The following FCHSD2 variants were observed in gnomAD, a reference collection of about 807,000 sequenced individuals.
FCHSD2 encodes FCH and double SH3 domains 2.
In FCHSD2, 38 loss-of-function variants were observed where a neutral mutation model predicts 108.1. The ratio of observed to expected loss-of-function variants is 0.35; its 90% CI spans 0.27 to 0.46. The LOEUF is 0.46. FCHSD2 is among the 20% of genes least tolerant of loss of function. The pLI, the probability that FCHSD2 is intolerant of heterozygous loss-of-function variation, is 1.00. For synonymous variants in FCHSD2, 279 were observed against 314.7 expected (o/e 0.89, Z 1.20); for missense variants, 751 against 897.8 (o/e 0.84, Z 2.09).
chr11:73,091,318 C>G (rs977578841), intron 2 of FCHSD2, among the ~76,000 whole-genome samples: 1 of 151,952 alleles, frequency 6.6e-6, no homozygotes, highest in African/African-American at 2.4e-5. Context: ...GCGGGCAGAT[C>G]ACTTGAGGTC....
intron 3 of FCHSD2, 51 bp downstream of exon 3, chr11:73,083,644 A>T: frequency 8.7e-7 from 1 of 1,154,768 alleles, no homozygotes. Flanking sequence ...TCTGTCCTTA[A>T]GCCACGGAAA....
At chr11:73,083,810 C>T (rs1318744277) in intron 2 of FCHSD2, 70 bp from the exon 3 acceptor site, 3 of 929,850 alleles carry the variant, frequency 3.2e-6, no homozygotes, top group Non-Finnish European at 3.4e-6. Context: ...TATCAACACA[C>T]CTTCAAATAC....
intron 2 of FCHSD2, among the ~76,000 whole-genome samples, chr11:73,116,092 ACTTT>A (rs1423213408): frequency 1.3e-5 from 2 of 152,202 alleles, no homozygotes; most frequent in African/African-American, 2.4e-5. Context: ...CAGATTGAAG[ACTTT>A]CCTTTCTATT....
intron 8 of FCHSD2, among the ~76,000 whole-genome samples, chr11:72,958,280 G>A (rs995822496): frequency 5.9e-5 from 9 of 152,312 alleles, no homozygotes; most frequent in Admixed American, 2.0e-4. Flanking sequence ...CACTTTGGAA[G>A]GCTGAGGCAG....
intron 3 of FCHSD2, among the ~76,000 whole-genome samples, chr11:73,053,390 T>C (rs1358125679): frequency 6.6e-6 from 1 of 152,150 alleles, no homozygotes; most frequent in East Asian, 1.9e-4. Context: ...TAATGAAAGA[T>C]AGAAAATGAA....
At chr11:73,075,887 C>A (rs904595927) in intron 3 of FCHSD2, among the ~76,000 whole-genome samples, 1 of 151,806 alleles carries the variant, frequency 6.6e-6, no homozygotes, top group Non-Finnish European at 1.5e-5. Flanking sequence ...GGGAGGCCAA[C>A]GCAGTCGGAT....
chr11:73,022,975 C>T (rs1273282377), intron 3 of FCHSD2, among the ~76,000 whole-genome samples: 1 of 152,092 alleles, frequency 6.6e-6, no homozygotes, highest in Non-Finnish European at 1.5e-5. Context: ...GATGCTAGAA[C>T]AATTGAATGA....
intron 9 of FCHSD2, 97 bp downstream of exon 9, chr11:72,921,729 ATT>A: frequency 1.1e-6 from 1 of 940,064 alleles, no homozygotes; most frequent in South Asian, 1.7e-5. Context: ...TCGTTAATGC[ATT>A]CTTCTAATAT....
chr11:73,043,424 T>G lies in FCHSD2; in HGVS notation c.166-27539A>C, dbSNP rs535298276. Among the ~76,000 whole-genome samples the G allele has an allele frequency of 3.3e-5, 5 of 152,336 alleles. No homozygotes were observed. The East Asian group carries it at 9.6e-4, about 29-fold the overall frequency. The stretch of plus-strand genomic sequence containing the variant: ...TAATTTAAATTTTCTATTTGCTTAA[T>G]TGTTCTTTTCCATTTTGGTAAGCAG... On this transcript the variant is annotated intron_variant, in intron 3 of 19. Transcript: ENST00000409418.
At chr11:72,939,426 C>T (rs1856368714) in intron 8 of FCHSD2, among the ~76,000 whole-genome samples, 1 of 151,970 alleles carries the variant, frequency 6.6e-6, no homozygotes, top group Non-Finnish European at 1.5e-5. Flanking sequence ...CTTCCATGTT[C>T]CACAGTTTAA....
intron 14 of FCHSD2, among the ~76,000 whole-genome samples, chr11:72,845,628 T>A (rs1282202310): frequency 6.6e-6 from 1 of 152,134 alleles, no homozygotes; most frequent in Admixed American, 6.6e-5. Context: ...ATCAAGACCC[T>A]GCAGAGTTTG....
intron 1 of FCHSD2, among the ~76,000 whole-genome samples, chr11:73,140,400 A>G (rs1200468380): frequency 1.3e-5 from 2 of 152,208 alleles, no homozygotes; most frequent in Non-Finnish European, 2.9e-5. Flanking sequence ...ATTCCATTTC[A>G]TGCACAAGCT....
In FCHSD2 at chr11:72,842,570, A is replaced by G. The variant is rs913325125; in HGVS notation, c.1926+51T>C. Reference sequence around the variant, plus strand: ...TGTGTGGATCCACAGACCCTTTGGGAGCAATTTTCTTTAAACATCTTTTAA... The same window carrying G: ...TGTGTGGATCCACAGACCCTTTGGGGGCAATTTTCTTTAAACATCTTTTAA... On this transcript the variant is annotated intron_variant, in intron 17 of 19. Transcript: ENST00000409418. The G allele has an allele frequency of 1.9e-6, 3 of 1,608,530 alleles. No homozygotes were observed. The African/African-American group carries it at 4.0e-5, about 22-fold the overall frequency.
At chr11:72,903,362 G>A (rs946066926) in intron 9 of FCHSD2, among the ~76,000 whole-genome samples, 9 of 151,758 alleles carry the variant, frequency 5.9e-5, no homozygotes, top group African/African-American at 2.4e-5. Flanking sequence ...GACTACAGGC[G>A]CCCGCCACTG....
At chr11:73,046,429 T>A (rs1263107649) in intron 3 of FCHSD2, among the ~76,000 whole-genome samples, 1 of 152,172 alleles carries the variant, frequency 6.6e-6, no homozygotes, top group Non-Finnish European at 1.5e-5. Context: ...GAATACCAAT[T>A]TTCATAGAAA....
intron 13 of FCHSD2, among the ~76,000 whole-genome samples, chr11:72,858,056 A>G (rs1226526297): frequency 6.6e-6 from 1 of 152,358 alleles, no homozygotes; most frequent in Non-Finnish European, 1.5e-5. Flanking sequence ...TAAAACCCCT[A>G]ACACATGTTT....
At chr11:72,917,401 G>A (rs907090550) in intron 9 of FCHSD2, among the ~76,000 whole-genome samples, 2 of 152,114 alleles carry the variant, frequency 1.3e-5, no homozygotes, top group Non-Finnish European at 1.5e-5. Context: ...GACCATAGAT[G>A]TTCAGGTTTA....
chr11:72,866,182 G>A (rs1338890363), intron 13 of FCHSD2, among the ~76,000 whole-genome samples: 1 of 152,250 alleles, frequency 6.6e-6, no homozygotes, highest in Non-Finnish European at 1.5e-5. Context: ...ACAGTCTGAA[G>A]TAGATGAGCA....
chr11:72,915,032 C>A (rs1591394736), intron 9 of FCHSD2, among the ~76,000 whole-genome samples: 1 of 119,968 alleles, frequency 8.3e-6, no homozygotes, highest in African/African-American at 3.3e-5. Flanking sequence ...CTATAAGGAA[C>A]TTAAACAAGT....
Sources: allele counts gnomAD v4.1 joint callset (sites outside exome capture counted in the v4.1 genomes callset), GRCh38; gene constraint gnomAD v4.1.1; transcripts MANE v1.5; gene names NCBI Gene and HGNC (gene_info 2026-07-23, HGNC 2026-07-21).